FIGNL2: variants seen among roughly 807,000 people sequenced by gnomAD.
FIGNL2 encodes fidgetin-like protein 2.
For missense variants in FIGNL2, 1,060 were observed against 950.2 expected, an observed-to-expected ratio of 1.12 and a Z score of -1.52; for synonymous variants, 565 against 484.0, an observed-to-expected ratio of 1.17 and a Z score of -2.20.
Position 51,821,239 on chromosome 12 carries a change from G to A in FIGNL2, c.1175C>T (p.Ala392Val), listed in dbSNP as rs1434156162. The A allele has an allele frequency of 3.9e-6, 6 of 1,524,536 alleles. No homozygotes were observed. Among genetic ancestry groups the A allele is most frequent in the Non-Finnish European group, 5.3e-6 (6 of 1,142,062 alleles). The allele number at this position is 1,524,536 out of a possible 1,614,324, so 94.4% of individuals were successfully genotyped here. ...GAGCGCGCCCTGGCCCGCCACATCC[G>A]CCCACTGCACCGGGGGCCCGCAGTC... ...MVDCGPPVQW[A>V]DVAGQGALKA... Residue 392 changes from alanine (A) to valine (V), a missense_variant, in exon 2 of 2, where the codon GCG (alanine) becomes GTG (valine). By Grantham distance (64) the Ala-to-Val change is moderately conservative (BLOSUM62 0). Coordinates refer to ENST00000618634, the MANE Select transcript of FIGNL2 (RefSeq NM_001384995.1).
intron 1 of FIGNL2, among the ~76,000 whole-genome samples, chr12:51,845,849 C>T (rs1266555640): frequency 1.3e-5 from 2 of 151,532 alleles, no homozygotes; most frequent in Non-Finnish European, 2.9e-5. Context: ...TCCTGACTGG[C>T]CTCTCTGTTT....
Position 51,821,051 on chromosome 12 carries a change from G to T in FIGNL2, c.1363C>A (p.Arg455Ser). 1 of 1,215,788 alleles carries T rather than the reference G, an allele frequency of 8.2e-7. No homozygotes were observed. The highest frequency in any genetic ancestry group is 1.0e-6 in the Non-Finnish European group (1 of 979,320). 75.3% of individuals were successfully genotyped at this position (1,215,788 alleles called of 1,614,324 possible). Reference protein sequence around the residue: ...LATQLGATLLRLRGATLAAPG... With the variant: ...LATQLGATLLSLRGATLAAPG... ...GCAGCCAGGGTCGCGCCGCGCAGGC[G>T]CAACAGCGTGGCGCCCAGCTGCGTG... is the stretch of plus-strand genomic sequence containing the variant. The change falls in exon 2 of 2, where the codon CGC (arginine) becomes AGC (serine). Residue 455 changes from arginine to serine, a missense_variant. Arg to Ser is a moderately radical substitution (Grantham distance 110). Transcript: ENST00000618634.
chr12:51,838,770 G>A (rs898394823), intron 1 of FIGNL2, among the ~76,000 whole-genome samples: 15 of 152,150 alleles, frequency 9.9e-5, no homozygotes, highest in African/African-American at 3.6e-4. Flanking sequence ...GCCTGGGAAA[G>A]AGGTGGGGGG....
At chr12:51,837,376 C>T (rs1939595738) in intron 1 of FIGNL2, among the ~76,000 whole-genome samples, 1 of 152,190 alleles carries the variant, frequency 6.6e-6, no homozygotes, top group Non-Finnish European at 1.5e-5. Context: ...GCCTCAGTCC[C>T]ATTCCCAATC....
In FIGNL2 at chr12:51,848,595, CCCGGGGACCGGGGCGGCGGCGCGGG is replaced by C. The variant is rs1303576069; in HGVS notation, c.-92_-68del. 5.2e-6 allele frequency: 5 copies of C among 961,500 alleles called. No individual in the cohort carries two copies. The highest frequency in any genetic ancestry group is 6.2e-6 in the Non-Finnish European group (5 of 808,510). The allele number at this position is 961,500 out of a possible 1,614,324, so 59.6% of individuals were successfully genotyped here. On this transcript the variant is annotated 5_prime_UTR_variant, in exon 1 of 2. It introduces an in-frame stop codon into an upstream open reading frame of the 5' UTR. Coordinates refer to ENST00000618634, the MANE Select transcript of FIGNL2 (RefSeq NM_001384995.1). Reference sequence around the variant, plus strand: ...GTGCGCGGCCTGGGGGCGCGTCCGGCCCGGGGACCGGGGCGGCGGCGCGGGCCGGGGGCGACAGGCCTGGGCTGGG... The same window carrying C: ...GTGCGCGGCCTGGGGGCGCGTCCGGCCCGGGGGCGACAGGCCTGGGCTGGG...
intron 1 of FIGNL2, among the ~76,000 whole-genome samples, chr12:51,834,701 G>T (rs1357740304): frequency 6.6e-6 from 1 of 152,214 alleles, no homozygotes; most frequent in Non-Finnish European, 1.5e-5. Context: ...GACGGGAGGG[G>T]ACAGCACAGA....
chr12:51,832,861 GCCCT>G (rs1939498755), intron 1 of FIGNL2, among the ~76,000 whole-genome samples: 1 of 152,038 alleles, frequency 6.6e-6, no homozygotes, highest in Non-Finnish European at 1.5e-5. Flanking sequence ...CCGCAACCTA[GCCCT>G]CCCTCAGCCT....
chr12:51,846,807 C>T (rs987836058), intron 1 of FIGNL2, among the ~76,000 whole-genome samples: 1 of 152,240 alleles, frequency 6.6e-6, no homozygotes, highest in South Asian at 2.1e-4. Context: ...CCCCACACAG[C>T]CTAATTCCCT....
At position 51,827,956 on chromosome 12, in the gene FIGNL2, G is replaced by A. The variant is rs548768971; in HGVS notation, c.-11-5532C>T. On this transcript the variant is annotated intron_variant, in intron 1 of 1. Transcript: ENST00000618634. Reference sequence around the variant, plus strand: ...TTCAGGGTCACATGGCTGTTACAGAGTGGAGACAGGACTCAAAGCCCAGGC... The same window carrying A: ...TTCAGGGTCACATGGCTGTTACAGAATGGAGACAGGACTCAAAGCCCAGGC... Among the ~76,000 whole-genome samples the A allele has an allele frequency of 2.6e-3, 398 of 152,324 alleles. 1 individual carries two copies. The highest frequency in any genetic ancestry group is 8.8e-3 in the African/African-American group (365 of 41,568).
At chr12:51,834,089 A>ATGGG (rs1491486446) in intron 1 of FIGNL2, among the ~76,000 whole-genome samples, 81 of 148,982 alleles carry the variant, frequency 5.4e-4, no homozygotes, top group East Asian at 3.9e-3. Flanking sequence ...AGACAGACAG[A>ATGGG]CGGATGGGTG....
In FIGNL2 at chr12:51,821,446, T is replaced by G. The variant is rs1939190372; in HGVS notation, c.968A>C (p.Lys323Thr). ...CTTGAGGGGGACGCCGCCACCGTAC[T>G]TGCCCGACGCCTCCTCCGCGGCTCC... ...PPGAAEEASG[K>T]YGGGVPLKVL... The change falls in exon 2 of 2, where the codon AAG becomes ACG. Residue 323 changes from lysine to threonine, a missense_variant. By Grantham distance (78) the Lys-to-Thr change is moderately conservative. Transcript: ENST00000618634. The G allele has an allele frequency of 6.5e-7, 1 of 1,538,596 alleles. No homozygotes were observed. The highest frequency in any genetic ancestry group is 8.7e-7 in the Non-Finnish European group (1 of 1,145,500).
At chr12:51,837,609 A>G (rs303789) in intron 1 of FIGNL2, among the ~76,000 whole-genome samples, 138,625 of 152,196 alleles carry the variant, frequency 0.91, 63,929 homozygotes, top group Non-Finnish European at 0.99. Context: ...TCTCCTCCCC[A>G]CCCCCTTCTT....
intron 1 of FIGNL2, among the ~76,000 whole-genome samples, chr12:51,826,721 G>A (rs1421823571): frequency 2.0e-5 from 3 of 151,454 alleles, no homozygotes; most frequent in African/African-American, 7.3e-5. Flanking sequence ...GTTCCATAGC[G>A]CTACATTTTC....
At chr12:51,828,161 T>C (rs1447268824) in intron 1 of FIGNL2, 1 of 152,200 alleles carries the variant, frequency 6.6e-6, no homozygotes, top group Non-Finnish European at 1.5e-5. Context: ...GGCAGGAGAA[T>C]TTGTGTCCCC....
In FIGNL2 at chr12:51,820,959, G is replaced by C. The variant is rs1041203680; in HGVS notation, c.1455C>G (p.Pro485=). The C allele has an allele frequency of 2.4e-6, 3 of 1,235,664 alleles. No individual in the cohort carries two copies. The highest frequency in any genetic ancestry group is 3.4e-5 in the East Asian group (1 of 29,732). 76.5% of individuals were successfully genotyped at this position (1,235,664 alleles called of 1,614,324 possible). A position where few individuals can be genotyped will look rare whatever the true frequency, so the allele number is the denominator to read the frequency against. The change falls in exon 2 of 2, where the codon CCC becomes CCG. Residue 485 remains proline (P), a synonymous_variant. Transcript: ENST00000618634. ...AAFAAARCRP[P]SVLLISELEA... ...CTAGCTCGCTGATGAGGAGTACGGA[G>C]GGTGGGCGGCAGCGCGCGGCCGCGA...
In FIGNL2 at chr12:51,818,642, AG is replaced by A. The variant is rs1276036345; in HGVS notation, c.*1809del. The A allele has an allele frequency of 1.3e-5, 2 of 152,488 alleles. No individual in the cohort carries two copies. The highest frequency in any genetic ancestry group is 2.9e-5 in the Non-Finnish European group (2 of 68,484). 9.4% of individuals were successfully genotyped at this position (152,488 alleles called of 1,614,324 possible). ...ATCCCCCCCAGACACCCTCCCAGCC[AG>A]GGGGGAGGCAGTAGACTCTAGGAAA... On this transcript the variant is annotated 3_prime_UTR_variant, in exon 2 of 2. Coordinates refer to ENST00000618634, the MANE Select transcript of FIGNL2 (RefSeq NM_001384995.1).
chr12:51,821,892 C>G lies in FIGNL2; in HGVS notation c.522G>C (p.Gln174His), dbSNP rs1465972849. ...GGYLAPGYCA[Q>H]TGAALPPPPP... ...GCGGCGGGGGCAGCGCGGCGCCCGT[C>G]TGCGCGCAGTAACCCGGCGCCAGGT... Residue 174 changes from glutamine to histidine, a missense_variant, in exon 2 of 2, where the codon CAG becomes CAC. Physicochemically the swap from Gln to His is conservative, Grantham distance 24. Coordinates refer to ENST00000618634, the MANE Select transcript of FIGNL2 (RefSeq NM_001384995.1). 6.4e-6 allele frequency: 9 copies of G among 1,412,640 alleles called. No homozygotes were observed. The highest frequency in any genetic ancestry group is 8.3e-6 in the Non-Finnish European group (9 of 1,089,154). 87.5% of individuals were successfully genotyped at this position (1,412,640 alleles called of 1,614,324 possible).
intron 1 of FIGNL2, chr12:51,846,871 C>A: frequency 1.8e-6 from 1 of 549,074 alleles, no homozygotes; most frequent in Non-Finnish European, 2.3e-6. Flanking sequence ...ACGAGGGTCG[C>A]TCCCGTCTGC....
At position 51,820,297 on chromosome 12, in the gene FIGNL2, GAA is replaced by G; in HGVS notation, c.*153_*154del. ...CTGGCAGAAGCATTTTCCTTCCCAC[GAA>G]AAAAAAAATATCCACCGGCAGACCC... On this transcript the variant is annotated 3_prime_UTR_variant, in exon 2 of 2. Coordinates refer to ENST00000618634, the MANE Select transcript of FIGNL2 (RefSeq NM_001384995.1). 14 of 917,044 alleles carry G rather than the reference GAA, an allele frequency of 1.5e-5. No individual in the cohort carries two copies. The highest frequency in any genetic ancestry group is 3.8e-4 in the Middle Eastern group (1 of 2,662). 56.8% of individuals were successfully genotyped at this position (917,044 alleles called of 1,614,324 possible). A position where few individuals can be genotyped will look rare whatever the true frequency, so the allele number is the denominator to read the frequency against.
Sources: allele counts gnomAD v4.1 joint callset (sites outside exome capture counted in the v4.1 genomes callset), GRCh38; gene constraint gnomAD v4.1.1; transcripts MANE v1.5; gene names NCBI Gene and HGNC (gene_info 2026-07-23, HGNC 2026-07-21).